Variants in ANKRD31 observed in about 807,000 individuals in gnomAD.
The protein encoded by ANKRD31 is ankyrin repeat domain-containing protein 31.
A neutral mutation model predicts 186.0 loss-of-function variants in ANKRD31; 147 were observed. The observed-to-expected ratio is 0.79, with a 90% confidence interval of 0.69 to 0.91. ANKRD31 has a LOEUF of 0.91. ANKRD31 is among the 40% of genes least tolerant of loss of function. The pLI is 0.00. For synonymous variants in ANKRD31, 673 were observed against 736.4 expected, an observed-to-expected ratio of 0.91 and a Z score of 1.39; for missense variants, 1,986 against 2,148.8, an observed-to-expected ratio of 0.92 and a Z score of 1.50.
intron 20 of ANKRD31, among the ~76,000 whole-genome samples, chr5:75,108,335 A>T (rs951210709): frequency 6.6e-6 from 1 of 152,072 alleles, no homozygotes; most frequent in African/African-American, 2.4e-5. Context: ...TACAATAATT[A>T]CTTAAATTTT....
intron 7 of ANKRD31, among the ~76,000 whole-genome samples, chr5:75,194,332 T>TC (rs1755314539): frequency 6.6e-6 from 1 of 152,138 alleles, no homozygotes; most frequent in Non-Finnish European, 1.5e-5. Flanking sequence ...ACTGTATTAA[T>TC]ACCAATCATA....
chr5:75,071,496 TG>T (rs1436380113), intron 25 of ANKRD31, among the ~76,000 whole-genome samples: 11 of 141,644 alleles, frequency 7.8e-5, no homozygotes, highest in Non-Finnish European at 1.5e-4. Context: ...AAAGCTGTTT[TG>T]TTTTTTTTTT....
chr5:75,172,181 C>A (rs1375186999), intron 10 of ANKRD31, among the ~76,000 whole-genome samples: 1 of 151,432 alleles, frequency 6.6e-6, no homozygotes, highest in Non-Finnish European at 1.5e-5. Flanking sequence ...TCGAATCCAG[C>A]CATATATAAA....
At chr5:75,177,597 G>T (rs930252833) in intron 10 of ANKRD31, among the ~76,000 whole-genome samples, 10 of 152,128 alleles carry the variant, frequency 6.6e-5, no homozygotes, top group South Asian at 2.1e-4. Flanking sequence ...TTAAAGAAAA[G>T]AATTTTCAAA....
intron 9 of ANKRD31, among the ~76,000 whole-genome samples, chr5:75,190,062 C>G (rs1173238408): frequency 1.3e-5 from 2 of 151,616 alleles, no homozygotes; most frequent in Non-Finnish European, 2.9e-5. Flanking sequence ...GGGTATTGCC[C>G]AGGATGGAGT....
intron 23 of ANKRD31, among the ~76,000 whole-genome samples, chr5:75,088,482 C>A (rs1367679637): frequency 6.6e-6 from 1 of 152,198 alleles, no homozygotes; most frequent in East Asian, 1.9e-4. Flanking sequence ...TTATGATTTT[C>A]ATCCTGCAAC....
chr5:75,117,033 A>G (rs2150080944), intron 18 of ANKRD31, among the ~76,000 whole-genome samples: 1 of 152,306 alleles, frequency 6.6e-6, no homozygotes, highest in East Asian at 1.9e-4. Context: ...ATCTTATCTG[A>G]TTCCAAAGTC....
At chr5:75,121,127 G>C (rs879502213) in intron 17 of ANKRD31, among the ~76,000 whole-genome samples, 13 of 150,826 alleles carry the variant, frequency 8.6e-5, no homozygotes, top group Non-Finnish European at 1.8e-4. Flanking sequence ...AGGTTGCAGT[G>C]AGCTGAGATT....
Position 75,147,466 on chromosome 5 carries a change from A to G in ANKRD31, c.1945T>C (p.Tyr649His). Reference sequence around the variant, plus strand: ...TTCTGTCTGTTGGAATTTTCATTATAAACATGCCAAATGTGACTTTTAGAA... The same window carrying G: ...TTCTGTCTGTTGGAATTTTCATTATGAACATGCCAAATGTGACTTTTAGAA... ...FSSKSHIWHV[Y>H]NENSNRQKLE... The change falls in exon 14 of 26, where the codon TAT (tyrosine) becomes CAT (histidine). Residue 649 changes from tyrosine to histidine, a missense_variant. Transcript: ENST00000506364. The G allele has an allele frequency of 6.7e-7, 1 of 1,482,958 alleles. No homozygotes were observed. Among genetic ancestry groups the G allele is most frequent in the Non-Finnish European group, 8.9e-7 (1 of 1,127,414 alleles). The allele number at this position is 1,482,958 out of a possible 1,614,324, so 91.9% of individuals were successfully genotyped here.
Position 75,203,663 on chromosome 5 carries a change from A to C in ANKRD31, c.403+2748T>G, listed in dbSNP as rs971264864. On this transcript the variant is annotated intron_variant, in intron 5 of 25. Coordinates refer to ENST00000506364, the MANE Select transcript of ANKRD31 (RefSeq NM_001372053.1). ...GGGCGAAAGAGAGAGGATCCATCTC[A>C]AAAAAAAAAAAAAAGAAAAGAAAAG... Among the ~76,000 whole-genome samples the C allele has an allele frequency of 2.5e-4, 13 of 51,184 alleles. No homozygotes were observed. In the African/African-American group the frequency reaches 4.2e-3, roughly 17 times the overall value. The allele number at this position is 51,184 out of a possible 152,430, so 33.6% of individuals were successfully genotyped here. A position where few individuals can be genotyped will look rare whatever the true frequency, so the allele number is the denominator to read the frequency against.
intron 25 of ANKRD31, among the ~76,000 whole-genome samples, chr5:75,075,569 T>C (rs1744570159): frequency 6.6e-6 from 1 of 152,178 alleles, no homozygotes; most frequent in Non-Finnish European, 1.5e-5. Context: ...ACTTAATAGG[T>C]TGTATAAAAT....
At chr5:75,173,793 T>C (rs903981466) in intron 10 of ANKRD31, among the ~76,000 whole-genome samples, 10 of 151,992 alleles carry the variant, frequency 6.6e-5, no homozygotes, top group Admixed American at 6.6e-4. Flanking sequence ...ATGATGAAAA[T>C]GGCCATACTG....
chr5:75,145,645 T>C (rs1428264227), intron 14 of ANKRD31, among the ~76,000 whole-genome samples: 1 of 152,026 alleles, frequency 6.6e-6, no homozygotes, highest in Non-Finnish European at 1.5e-5. Flanking sequence ...GATGGGTTGA[T>C]GGGTGCAGCA....
At chr5:75,175,094 C>A (rs181711770) in intron 10 of ANKRD31, among the ~76,000 whole-genome samples, 169 of 152,246 alleles carry the variant, frequency 1.1e-3, no homozygotes, top group African/African-American at 3.8e-3. Flanking sequence ...ATGAATGAAG[C>A]TGGAAACCAT....
At position 75,206,424 on chromosome 5, in the gene ANKRD31, G is replaced by C; in HGVS notation, c.390C>G (p.His130Gln). 1 of 1,473,672 alleles carries C rather than the reference G, an allele frequency of 6.8e-7. No homozygotes were observed. Among genetic ancestry groups the C allele is most frequent in the Non-Finnish European group, 8.9e-7 (1 of 1,119,704 alleles). The allele number at this position is 1,473,672 out of a possible 1,614,324, so 91.3% of individuals were successfully genotyped here. ...SFRQSGLSLN[H>Q]QNIEGPEAES... ...ATGAAAACATACCTTCAATATTTTG[G>C]TGGTTCAATGAAAGTCCAGACTGGC... Residue 130 changes from histidine to glutamine, a missense_variant, in exon 5 of 26, where the codon CAC becomes CAG. Coordinates refer to ENST00000506364, the MANE Select transcript of ANKRD31 (RefSeq NM_001372053.1).
At position 75,114,459 on chromosome 5, in the gene ANKRD31, T is replaced by C. The variant is rs185749557; in HGVS notation, c.4156-1859A>G. On this transcript the variant is annotated intron_variant, in intron 19 of 25. Transcript: ENST00000506364. ...AACTTCCAGCCCATTCTGTTCACCA[T>C]CTTATCTTTTATAATAAAAAAATTC... Among the ~76,000 whole-genome samples the C allele has an allele frequency of 3.3e-5, 5 of 152,260 alleles. No individual in the cohort carries two copies. The East Asian group carries it at 9.6e-4, about 29-fold the overall frequency.
chr5:75,116,449 A>T (rs938698888), intron 19 of ANKRD31, 117 bp downstream of exon 19: 3 of 378,944 alleles, frequency 7.9e-6, no homozygotes, highest in Non-Finnish European at 1.3e-5. Context: ...TAAATAAAAA[A>T]TTTCTATCTT....
At chr5:75,177,384 G>A (rs1292256659) in intron 10 of ANKRD31, among the ~76,000 whole-genome samples, 3 of 151,900 alleles carry the variant, frequency 2.0e-5, no homozygotes, top group African/African-American at 2.4e-5. Flanking sequence ...TACAGAGAAC[G>A]CCACAAAGAT....
intron 7 of ANKRD31, among the ~76,000 whole-genome samples, chr5:75,194,769 G>C (rs999010692): frequency 6.6e-6 from 1 of 151,846 alleles, no homozygotes; most frequent in Non-Finnish European, 1.5e-5. Flanking sequence ...TAAGTTGGAA[G>C]GCATTATATA....
Sources: gnomAD v4.1 joint callset for allele counts (sites outside exome capture counted in the v4.1 genomes callset) on GRCh38, gnomAD v4.1.1 for gene constraint, MANE v1.5 for transcripts, NCBI Gene and HGNC (gene_info 2026-07-23, HGNC 2026-07-21) for gene names.